NCALD: variants seen among roughly 807,000 people sequenced by gnomAD.
The protein encoded by NCALD is neurocalcin-delta.
Under a neutral mutation model 18.6 loss-of-function variants are expected in NCALD, and 10 were observed. That is an observed-to-expected ratio of 0.54 (90% CI 0.33 to 0.91). The LOEUF is 0.91. Among genes scored for constraint, NCALD ranks in the 40% least tolerant of loss-of-function variants. The pLI, the probability that NCALD is intolerant of heterozygous loss-of-function variation, is 0.03. For synonymous variants in NCALD, 88 were observed against 87.4 expected, an observed-to-expected ratio of 1.01 and a Z score of -0.04; for missense variants, 184 against 247.6, an observed-to-expected ratio of 0.74 and a Z score of 1.72.
chr8:101,772,422 C>T (rs1190513626), intron 1 of NCALD, among the ~76,000 whole-genome samples: 3 of 152,154 alleles, frequency 2.0e-5, no homozygotes, highest in Non-Finnish European at 4.4e-5. Context: ...GGCAAACACA[C>T]TTGTCAGAAT....
intron 4 of NCALD, among the ~76,000 whole-genome samples, chr8:101,804,221 T>C (rs1035865465): frequency 8.0e-5 from 12 of 149,560 alleles, no homozygotes; most frequent in Non-Finnish European, 1.8e-4. Flanking sequence ...ATTAGCAATT[T>C]TAGAAAATAA....
At chr8:101,729,349 A>G (rs1816710778) in intron 1 of NCALD, among the ~76,000 whole-genome samples, 1 of 152,238 alleles carries the variant, frequency 6.6e-6, no homozygotes, top group African/African-American at 2.4e-5. Flanking sequence ...CTTTATCTTG[A>G]CCAAAGAATA....
At chr8:101,762,056 T>A (rs947414752) in intron 1 of NCALD, among the ~76,000 whole-genome samples, 2 of 152,194 alleles carry the variant, frequency 1.3e-5, no homozygotes, top group Admixed American at 6.5e-5. Flanking sequence ...TCAGCTGAGA[T>A]GAGAGACAGC....
At chr8:101,842,958 T>C (rs569214051) in intron 4 of NCALD, among the ~76,000 whole-genome samples, 1 of 152,324 alleles carries the variant, frequency 6.6e-6, no homozygotes, top group Admixed American at 6.5e-5. Flanking sequence ...TCTGTATTCA[T>C]TATGAAATAC....
chr8:102,014,552 T>C (rs1414371283), intron 2 of NCALD, among the ~76,000 whole-genome samples: 6 of 152,060 alleles, frequency 3.9e-5, no homozygotes, highest in Non-Finnish European at 8.8e-5. Flanking sequence ...AAAGAGTTAA[T>C]GTTTTTAAAT....
At chr8:101,896,052 G>A (rs1478873888) in intron 3 of NCALD, among the ~76,000 whole-genome samples, 2 of 151,044 alleles carry the variant, frequency 1.3e-5, no homozygotes, top group African/African-American at 2.5e-5. Flanking sequence ...AGCCCGCATC[G>A]CCAAGTCAAC....
At chr8:101,787,661 C>T (rs186303603) in intron 1 of NCALD, among the ~76,000 whole-genome samples, 2 of 152,190 alleles carry the variant, frequency 1.3e-5, no homozygotes, top group Admixed American at 1.3e-4. Context: ...ATTAATACCC[C>T]CTGTATTGGT....
At chr8:101,746,526 T>C (rs1477369351) in intron 1 of NCALD, among the ~76,000 whole-genome samples, 1 of 152,172 alleles carries the variant, frequency 6.6e-6, no homozygotes, top group African/African-American at 2.4e-5. Context: ...AAGAACACAT[T>C]CAAGGCAGAG....
At chr8:102,103,889 G>A (rs115344176) in intron 1 of NCALD, among the ~76,000 whole-genome samples, 1,880 of 152,298 alleles carry the variant, frequency 0.012, 40 homozygotes, top group African/African-American at 0.043. Flanking sequence ...GAAGGCAACT[G>A]CCTGAAAAAT....
chr8:101,902,529 A>T (rs1428716487), intron 3 of NCALD, among the ~76,000 whole-genome samples: 2 of 152,116 alleles, frequency 1.3e-5, no homozygotes, highest in Non-Finnish European at 2.9e-5. Context: ...TCCTCTACAG[A>T]GCAATGTGGC....
intron 4 of NCALD, among the ~76,000 whole-genome samples, chr8:101,853,149 A>G (rs1408769893): frequency 6.6e-6 from 1 of 152,202 alleles, no homozygotes; most frequent in East Asian, 1.9e-4. Flanking sequence ...TACCTACCTC[A>G]TAGGGTTTCA....
intron 2 of NCALD, among the ~76,000 whole-genome samples, chr8:101,996,736 C>T (rs1586893450): frequency 6.6e-6 from 1 of 152,326 alleles, no homozygotes; most frequent in East Asian, 1.9e-4. Flanking sequence ...ACCATGGCAA[C>T]TAACGGTCCT....
chr8:102,124,354 C>G (rs1826046150), upstream of NCALD: 1 of 152,620 alleles, frequency 6.6e-6, no homozygotes, highest in Non-Finnish European at 1.5e-5. Context: ...GCCCCCCTCC[C>G]CAGCCTGGCT....
chr8:101,764,015 C>CA (rs1563744453), intron 1 of NCALD, among the ~76,000 whole-genome samples: 1,570 of 11,638 alleles, frequency 0.13, 55 homozygotes, highest in South Asian at 0.33. Context: ...CACACACACA[C>CA]CCCCTATTGG....
intron 2 of NCALD, among the ~76,000 whole-genome samples, chr8:101,699,497 AT>A (rs1412255394): frequency 6.6e-6 from 1 of 152,216 alleles, no homozygotes; most frequent in Non-Finnish European, 1.5e-5. Context: ...AATAGCAAAG[AT>A]ATGTAATCAA....
intron 2 of NCALD, among the ~76,000 whole-genome samples, chr8:101,922,476 T>C (rs1392787427): frequency 6.6e-6 from 1 of 152,164 alleles, no homozygotes. Flanking sequence ...GAGAAAATAG[T>C]GAAAATGGGA....
chr8:101,764,852 C>T (rs1327084809), intron 1 of NCALD, among the ~76,000 whole-genome samples: 3 of 152,148 alleles, frequency 2.0e-5, no homozygotes, highest in Non-Finnish European at 4.4e-5. Context: ...CTTTACAAAA[C>T]CACAGTCAGA....
intron 2 of NCALD, among the ~76,000 whole-genome samples, chr8:101,935,801 TTTTTA>T (rs935374552): frequency 1.4e-5 from 2 of 147,602 alleles, no homozygotes; most frequent in Non-Finnish European, 1.5e-5. Context: ...TTTTTTTTTT[TTTTTA>T]AAGATGGAAG....
At chr8:101,848,201 A>G (rs932679853) in intron 4 of NCALD, among the ~76,000 whole-genome samples, 3 of 152,146 alleles carry the variant, frequency 2.0e-5, no homozygotes, top group Non-Finnish European at 4.4e-5. Flanking sequence ...TAAGTTGTAG[A>G]GAGCTCAGAG....
Sources: gnomAD v4.1 joint callset for allele counts (sites outside exome capture counted in the v4.1 genomes callset) on GRCh38, gnomAD v4.1.1 for gene constraint, MANE v1.5 for transcripts, NCBI Gene and HGNC (gene_info 2026-07-23, HGNC 2026-07-21) for gene names.